CLUH: variants seen among roughly 807,000 people sequenced by gnomAD.
CLUH encodes clustered mitochondria protein homolog.
CLUH carries 77 observed loss-of-function variants against 139.3 expected under a neutral mutation model. That is an observed-to-expected ratio of 0.55 (90% confidence interval 0.46 to 0.67). The LOEUF is 0.67. Among genes scored for constraint, CLUH ranks in the 30% least tolerant of loss-of-function variants. The pLI, the probability that CLUH is intolerant of heterozygous loss-of-function variation, is 0.00. For missense variants in CLUH, 1,876 were observed against 1,875.8 expected, an observed-to-expected ratio of 1.00 and a Z score of 0.00; for synonymous variants, 999 against 801.6, an observed-to-expected ratio of 1.25 and a Z score of -4.16.
Position 2,692,600 on chromosome 17 carries a change from C to T in CLUH, c.3409G>A (p.Glu1137Lys). The change falls in exon 21 of 26, where the codon GAA (glutamate) becomes AAA (lysine). Residue 1137 changes from glutamate (E) to lysine (K), a missense_variant. Physicochemically the swap from Glu to Lys is moderately conservative, Grantham distance 56 (BLOSUM62 1). Transcript: ENST00000651024. ...ARYLMLLVFGEDHPEMALLDN... is the reference protein window; with the variant it reads ...ARYLMLLVFGKDHPEMALLDN... ...AGCAGCGCCATCTCGGGGTGGTCTT[C>T]CCCGAACACCAGCAGCATGAGGTAG... The T allele has an allele frequency of 1.2e-6, 2 of 1,612,614 alleles. No individual in the cohort carries two copies. The highest frequency in any genetic ancestry group is 8.5e-7 in the Non-Finnish European group (1 of 1,179,584).
intron 20 of CLUH, 32 bp downstream of exon 20, chr17:2,692,748 A>G: frequency 6.2e-7 from 1 of 1,600,182 alleles, no homozygotes; most frequent in Non-Finnish European, 8.5e-7. Context: ...AGCCCCTCGC[A>G]TCCCCCGGCG....
intron 3 of CLUH, among the ~76,000 whole-genome samples, chr17:2,702,588 G>A (rs886793129): frequency 4.0e-5 from 6 of 150,604 alleles, no homozygotes; most frequent in East Asian, 1.9e-4. Flanking sequence ...GACCTTTTCC[G>A]TCACTGCTCT....
In CLUH at chr17:2,696,268, G is replaced by C. The variant is rs1466563941; in HGVS notation, c.2291-9C>G. On this transcript the variant is annotated splice_polypyrimidine_tract_variant and intron_variant, in intron 12 of 25. Transcript: ENST00000651024. Reference sequence around the variant, plus strand: ...CTCAGGGAAACGAACCCCTGGAGGAGGGAGAGCAGAGAGGCTGAGCCAGGC... The same window carrying C: ...CTCAGGGAAACGAACCCCTGGAGGACGGAGAGCAGAGAGGCTGAGCCAGGC... 6 of 1,565,656 alleles carry C rather than the reference G, an allele frequency of 3.8e-6. No individual in the cohort carries two copies. The highest frequency in any genetic ancestry group is 4.3e-6 in the Non-Finnish European group (5 of 1,155,290).
intron 17 of CLUH, 93 bp from the exon 18 acceptor site, chr17:2,694,369 A>G: frequency 6.6e-7 from 1 of 1,521,398 alleles, no homozygotes; most frequent in Non-Finnish European, 8.9e-7. Flanking sequence ...ACAGACGGCT[A>G]CCGTGAAAAA....
intron 14 of CLUH, 22 bp from the exon 15 acceptor site, chr17:2,695,302 G>A (rs1458072504): frequency 7.4e-6 from 12 of 1,613,582 alleles, no homozygotes; most frequent in African/African-American, 2.7e-5. Context: ...CAGAAGGGAG[G>A]TCTTGGTCAG....
At chr17:2,694,822 T>TCCCCCCCCCCCCCCCCCCCCCCCCCC in intron 16 of CLUH, 35 bp downstream of exon 16, 2 of 1,346,338 alleles carry the variant, frequency 1.5e-6, no homozygotes, top group Non-Finnish European at 2.0e-6. Context: ...ATCTGCCCAA[T>TCCCCCCCCCCCCCCCCCCCCCCCCCC]CCCACCCACC....
intron 11 of CLUH, 66 bp downstream of exon 11, chr17:2,696,653 G>A (rs2069958088): frequency 1.9e-6 from 3 of 1,576,634 alleles, no homozygotes; most frequent in Admixed American, 1.7e-5. Context: ...TCTCCCAGGT[G>A]GGGGTCATAA....
intron 19 of CLUH, among the ~76,000 whole-genome samples, 164 bp downstream of exon 19, chr17:2,693,736 C>A (rs1287512515): frequency 6.6e-6 from 1 of 152,158 alleles, no homozygotes; most frequent in African/African-American, 2.4e-5. Context: ...TGAGCTCTCC[C>A]GCTCGGGACA....
chr17:2,700,402 G>A lies in CLUH; in HGVS notation c.1246C>T (p.Arg416Ter), dbSNP rs2151711603. The A allele has an allele frequency of 2.5e-6, 4 of 1,613,070 alleles. No homozygotes were observed. Among genetic ancestry groups the A allele is most frequent in the Non-Finnish European group, 3.4e-6 (4 of 1,179,752 alleles). Residue 416 changes from arginine (R) to a stop codon, truncating the protein, a stop_gained, in exon 9 of 26, where the codon CGA (arginine) becomes TGA (stop). Transcript: ENST00000651024. LOFTEE classifies it high-confidence loss of function. ...PRKNLPERLLRERAIFKVHSD... is the reference protein window; with the variant it reads ...PRKNLPERLL ...GGCACCTTGAATATGGCCCTTTCTC[G>A]GAGCAGCCGCTCAGGCAGGTTCTTG...
rs772883343 is a variant in CLUH, at chr17:2,690,792, G to A, written c.3864-15C>T. On this transcript the variant is annotated splice_polypyrimidine_tract_variant and intron_variant, in intron 25 of 25. Coordinates refer to ENST00000651024, the MANE Select transcript of CLUH (RefSeq NM_001366661.1). ...GGTCTTTTTGGCTGAGGATAAGGGT[G>A]GGGATGGAGGTGGCTCTCAGAGGAG... 5.1e-5 allele frequency: 75 copies of A among 1,472,398 alleles called. No homozygotes were observed. The highest frequency in any genetic ancestry group is 6.1e-5 in the Non-Finnish European group (68 of 1,119,312). The allele number at this position is 1,472,398 out of a possible 1,614,324, so 91.2% of individuals were successfully genotyped here.
chr17:2,698,621 G>A (rs1419610871), intron 9 of CLUH, 31 bp from the exon 10 acceptor site: 2 of 1,528,790 alleles, frequency 1.3e-6, no homozygotes, highest in South Asian at 1.2e-5. Context: ...CAGGGTTAGA[G>A]GCCGCGCCCA....
chr17:2,694,571 A>G lies in CLUH; in HGVS notation c.2853-7T>C. ...AGCCTGGTCCACGGTCTCACTGAGG[A>G]GGGAGCAGGGGGCCTGAGCAGCCCA... On this transcript the variant is annotated splice_region_variant and splice_polypyrimidine_tract_variant and intron_variant, in intron 16 of 25. Coordinates refer to ENST00000651024, the MANE Select transcript of CLUH (RefSeq NM_001366661.1). 6.4e-7 allele frequency: 1 copy of G among 1,568,628 alleles called. No individual in the cohort carries two copies. Among genetic ancestry groups the G allele is most frequent in the Non-Finnish European group, 8.6e-7 (1 of 1,156,862 alleles).
rs2069556233 is a variant in CLUH, at chr17:2,689,905, GCC to G, written c.*687_*688del. 1 of 152,738 alleles carries G rather than the reference GCC, an allele frequency of 6.5e-6. No homozygotes were observed. The highest frequency in any genetic ancestry group is 2.1e-4 in the South Asian group (1 of 4,834). 9.5% of individuals were successfully genotyped at this position (152,738 alleles called of 1,614,324 possible). On this transcript the variant is annotated 3_prime_UTR_variant, in exon 26 of 26. Transcript: ENST00000651024. ...CCCAGCTGGGTGCAGGGAGTAGGGA[GCC>G]GAGTCAGAGCCACCCACTGGGCTCT...
intron 10 of CLUH, among the ~76,000 whole-genome samples, chr17:2,697,354 G>A (rs901191163): frequency 1.3e-5 from 2 of 151,340 alleles, no homozygotes; most frequent in African/African-American, 4.9e-5. Flanking sequence ...AGCCGGGATC[G>A]TGCCATTGCA....
In CLUH at chr17:2,701,277, G is replaced by C. The variant is rs1597618155; in HGVS notation, c.900-12C>G. The C allele has an allele frequency of 6.2e-7, 1 of 1,610,870 alleles. No individual in the cohort carries two copies. The highest frequency in any genetic ancestry group is 8.5e-7 in the Non-Finnish European group (1 of 1,178,512). The stretch of plus-strand genomic sequence containing the variant: ...GATAAGCTGTGGACCTGCAGGGAGA[G>C]GGCGGGCACTGAGCGGGGGCCCAGG... On this transcript the variant is annotated splice_polypyrimidine_tract_variant and intron_variant, in intron 6 of 25. Transcript: ENST00000651024.
chr17:2,701,434 C>T lies in CLUH; in HGVS notation c.831G>A (p.Leu277=), dbSNP rs1393453672. 1 of 1,613,264 alleles carries T rather than the reference C, an allele frequency of 6.2e-7. No homozygotes were observed. Among genetic ancestry groups the T allele is most frequent in the Admixed American group, 1.7e-5 (1 of 59,922 alleles). ...GCCGGTCCTCGGCTGTGATCACAAA[C>T]AGGTACATGAGGTCCCCGTGCATCT... ...NRKMHGDLMY[L]FVITAEDRQV... The change falls in exon 6 of 26, where the codon CTG becomes CTA. Residue 277 remains leucine, a synonymous_variant. Coordinates refer to ENST00000651024, the MANE Select transcript of CLUH (RefSeq NM_001366661.1).
rs1442345203 is a variant in CLUH at position 2,703,185 on chromosome 17, G to A, written c.475+133C>T. 1 of 950,558 alleles carries A rather than the reference G, an allele frequency of 1.1e-6. No individual in the cohort carries two copies. The highest frequency in any genetic ancestry group is 1.6e-5 in the African/African-American group (1 of 61,386). 58.9% of individuals were successfully genotyped at this position (950,558 alleles called of 1,614,324 possible). A position where few individuals can be genotyped will look rare whatever the true frequency, so the allele number is the denominator to read the frequency against. ...TTGGCAGATATAGGTGTGCTGGCCT[G>A]AGAAGCAGATCTGTGCTCCAATCCT... is the stretch of plus-strand genomic sequence containing the variant. On this transcript the variant is annotated intron_variant, in intron 3 of 25. Transcript: ENST00000651024. The surrounding 1 kb of genome is among the most constrained non-coding windows in gnomAD (Gnocchi z 4.2).
Position 2,704,694 on chromosome 17 carries a change from G to A in CLUH, c.101-130C>T, listed in dbSNP as rs1380463331. On this transcript the variant is annotated intron_variant, in intron 1 of 25. Coordinates refer to ENST00000651024, the MANE Select transcript of CLUH (RefSeq NM_001366661.1). The surrounding 1 kb of genome is among the most constrained non-coding windows in gnomAD (Gnocchi z 5.7). Reference sequence around the variant, plus strand: ...TGCCCTCGAGAGTCCCAGCCTCACGGTCGCGCCTCGCCCTCCGTGCACCTG... The same window carrying A: ...TGCCCTCGAGAGTCCCAGCCTCACGATCGCGCCTCGCCCTCCGTGCACCTG... The A allele has an allele frequency of 4.5e-6, 4 of 883,374 alleles. No homozygotes were observed. In the Admixed American group the frequency reaches 8.2e-5, roughly 18 times the overall value. 54.7% of individuals were successfully genotyped at this position (883,374 alleles called of 1,614,324 possible).
chr17:2,692,870 G>A lies in CLUH; in HGVS notation c.3232-10C>T. 1 of 1,575,036 alleles carries A rather than the reference G, an allele frequency of 6.3e-7. No homozygotes were observed. Among genetic ancestry groups the A allele is most frequent in the Non-Finnish European group, 8.6e-7 (1 of 1,158,216 alleles). On this transcript the variant is annotated splice_polypyrimidine_tract_variant and intron_variant, in intron 19 of 25. Coordinates refer to ENST00000651024, the MANE Select transcript of CLUH (RefSeq NM_001366661.1). ...GCTGGTTACTCAGGGCCTGGGGAGA[G>A]ACAGTGGTGGTTGCCGCGGCGTGGG...
Sources: allele counts gnomAD v4.1 joint callset (sites outside exome capture counted in the v4.1 genomes callset), GRCh38; gene constraint gnomAD v4.1.1; non-coding constraint Gnocchi (gnomAD v3.1); transcripts MANE v1.5; gene names NCBI Gene and HGNC (gene_info 2026-07-23, HGNC 2026-07-21).